Variants in P2RX7 observed in about 807,000 individuals in gnomAD.
The protein encoded by P2RX7 is purinergic receptor P2X 7.
In P2RX7, 62 loss-of-function variants were observed where a neutral mutation model predicts 71.6. That is an observed-to-expected ratio of 0.87 (90% CI 0.71 to 1.07). The LOEUF is 1.07. Ranked by LOEUF, P2RX7 falls within the 50% of genes least tolerant of loss-of-function variation. P2RX7 has a pLI of 0.00. For synonymous variants in P2RX7, 299 were observed against 283.3 expected, an observed-to-expected ratio of 1.06 and a Z score of -0.56; for missense variants, 686 against 748.5, an observed-to-expected ratio of 0.92 and a Z score of 0.97.
At chr12:121,135,148 G>A (rs960238840) in intron 1 of P2RX7, among the ~76,000 whole-genome samples, 1 of 151,936 alleles carries the variant, frequency 6.6e-6, no homozygotes, top group African/African-American at 2.4e-5. Context: ...AGACCAGCCT[G>A]GCCAATATGG....
intron 1 of P2RX7, among the ~76,000 whole-genome samples, chr12:121,138,106 A>G (rs1041849266): frequency 6.6e-6 from 1 of 152,218 alleles, no homozygotes; most frequent in African/African-American, 2.4e-5. Flanking sequence ...GCAGTAAGTG[A>G]CAGAAACCCA....
intron 6 of P2RX7, among the ~76,000 whole-genome samples, chr12:121,165,822 C>A (rs1257380720): frequency 1.3e-5 from 2 of 152,186 alleles, no homozygotes; most frequent in African/African-American, 2.4e-5. Flanking sequence ...AAGAGTATAA[C>A]CAAGATGGAA....
intron 1 of P2RX7, among the ~76,000 whole-genome samples, chr12:121,147,633 G>C (rs1876497773): frequency 6.6e-6 from 1 of 151,714 alleles, no homozygotes; most frequent in South Asian, 2.1e-4. Flanking sequence ...TGTTTGTCTT[G>C]AGACAGTCTC....
chr12:121,144,342 C>T (rs562500477), intron 1 of P2RX7, among the ~76,000 whole-genome samples: 10 of 152,222 alleles, frequency 6.6e-5, no homozygotes, highest in South Asian at 2.1e-4. Flanking sequence ...GGATTACAGA[C>T]GTGCACCAAC....
At chr12:121,156,229 C>A (rs1878551525) in intron 3 of P2RX7, 82 bp downstream of exon 3, 1 of 1,127,314 alleles carries the variant, frequency 8.9e-7, no homozygotes, top group East Asian at 2.3e-5. Context: ...GAAATGCGGA[C>A]CCTGGGGTGT....
At chr12:121,156,324 G>A (rs574490688) in intron 3 of P2RX7, among the ~76,000 whole-genome samples, 177 bp downstream of exon 3, 22 of 152,284 alleles carry the variant, frequency 1.4e-4, no homozygotes, top group African/African-American at 5.3e-4. Flanking sequence ...AGAACACATG[G>A]CAGTGTCTCT....
chr12:121,177,084 C>G, intron 9 of P2RX7, 63 bp from the exon 10 acceptor site: 1 of 1,436,268 alleles, frequency 7.0e-7, no homozygotes. Flanking sequence ...AACAATTGCA[C>G]GTTGAAGCAA....
At chr12:121,172,550 G>C (rs1882400878) in intron 8 of P2RX7, among the ~76,000 whole-genome samples, 1 of 152,170 alleles carries the variant, frequency 6.6e-6, no homozygotes, top group Non-Finnish European at 1.5e-5. Flanking sequence ...AGGATGACTT[G>C]AGCCCGGGAG....
Position 121,154,954 on chromosome 12 carries a change from G to C in P2RX7, c.294+1G>C. 1.9e-6 allele frequency: 3 copies of C among 1,614,102 alleles called. No homozygotes were observed. The highest frequency in any genetic ancestry group is 2.5e-6 in the Non-Finnish European group (3 of 1,179,988). ...CGCAGACTACACCTTCCCTTTGCAG[G>C]TGAGCACCTCGTAGCATTCTCCCAG... On this transcript the variant is annotated splice_donor_variant, in intron 2 of 12. Transcript: ENST00000328963. LOFTEE classifies it high-confidence loss of function. This position sits in a 1 kb window ranked among gnomAD's most constrained non-coding sequence, Gnocchi z 4.2.
chr12:121,133,427 C>T (rs1001462864), intron 1 of P2RX7, among the ~76,000 whole-genome samples: 8 of 152,204 alleles, frequency 5.3e-5, no homozygotes, highest in South Asian at 2.1e-4. Context: ...TCTCAGGGCA[C>T]GCCTGGTGAT....
chr12:121,161,838 T>TA (rs199517852), intron 4 of P2RX7, among the ~76,000 whole-genome samples: 22,476 of 134,034 alleles, frequency 0.17, 1,769 homozygotes, highest in South Asian at 0.2. Context: ...CTGCAAATAG[T>TA]AAAAAAAAAA....
intron 1 of P2RX7, among the ~76,000 whole-genome samples, chr12:121,139,104 G>A (rs572209029): frequency 6.6e-6 from 1 of 152,216 alleles, no homozygotes; most frequent in South Asian, 2.1e-4. Flanking sequence ...ACTACACCCG[G>A]CTCATTTTTG....
At chr12:121,147,827 G>A (rs970627974) in intron 1 of P2RX7, among the ~76,000 whole-genome samples, 1 of 151,934 alleles carries the variant, frequency 6.6e-6, no homozygotes, top group Non-Finnish European at 1.5e-5. Context: ...TGGCCAGGCG[G>A]GTCTTGAACT....
At chr12:121,136,286 A>T (rs501167) in intron 1 of P2RX7, among the ~76,000 whole-genome samples, 3 of 150,910 alleles carry the variant, frequency 2.0e-5, no homozygotes, top group Non-Finnish European at 4.4e-5. Flanking sequence ...AGGTGATGGG[A>T]CTTCCTGACA....
At position 121,166,967 on chromosome 12, in the gene P2RX7, G is replaced by A. The variant is rs567156965; in HGVS notation, c.745-521G>A. ...CTCGGGAGGCTGAGACAGGAGAATC[G>A]CTTGAACCTGGGAGGCAGAGGTTGC... On this transcript the variant is annotated intron_variant, in intron 7 of 12. Coordinates refer to ENST00000328963, the MANE Select transcript of P2RX7 (RefSeq NM_002562.6). 9.2e-4 allele frequency among the ~76,000 whole-genome samples: 138 copies of A among 150,688 alleles called. 1 individual carries two copies. The highest frequency in any genetic ancestry group is 1.2e-3 in the African/African-American group (48 of 40,896).
chr12:121,153,799 A>G (rs1401210921), intron 1 of P2RX7, among the ~76,000 whole-genome samples: 1 of 152,148 alleles, frequency 6.6e-6, no homozygotes, highest in African/African-American at 2.4e-5. Flanking sequence ...TACTTGGCAC[A>G]TATGAAGTGC....
chr12:121,144,724 G>A (rs1440008102), intron 1 of P2RX7, among the ~76,000 whole-genome samples: 2 of 152,128 alleles, frequency 1.3e-5, no homozygotes, highest in African/African-American at 2.4e-5. Flanking sequence ...AGCTGTTGGC[G>A]ACCTGGACTG....
At chr12:121,169,634 G>A (rs542581022) in intron 8 of P2RX7, among the ~76,000 whole-genome samples, 3 of 152,226 alleles carry the variant, frequency 2.0e-5, no homozygotes, top group African/African-American at 7.2e-5. Flanking sequence ...GGCCAGGTGC[G>A]GTGGCTTATG....
At chr12:121,166,326 C>G (rs887097570) in intron 7 of P2RX7, 139 bp downstream of exon 7, 1 of 854,420 alleles carries the variant, frequency 1.2e-6, no homozygotes, top group African/African-American at 1.7e-5. Context: ...ACCCGCTACG[C>G]TAAGGACTTT....
Sources: gnomAD v4.1 joint callset for allele counts (sites outside exome capture counted in the v4.1 genomes callset) on GRCh38, gnomAD v4.1.1 for gene constraint, Gnocchi (gnomAD v3.1) non-coding constraint, MANE v1.5 for transcripts, NCBI Gene and HGNC (gene_info 2026-07-23, HGNC 2026-07-21) for gene names.